CCSER1: variants seen among roughly 807,000 people sequenced by gnomAD.
CCSER1 encodes the protein coiled-coil serine rich protein 1.
In CCSER1, 41 loss-of-function variants were observed where a neutral mutation model predicts 82.0. The observed-to-expected ratio is 0.50, with a 90% CI of 0.39 to 0.65. The LOEUF (loss-of-function observed/expected upper bound fraction) is 0.65, where lower values mean the gene tolerates loss of function less well. CCSER1 is among the 30% of genes least tolerant of loss of function. The probability of loss-of-function intolerance (pLI) is 0.00; values close to 1 mark genes in which losing one functional copy is unlikely to be tolerated. For synonymous variants in CCSER1, 414 were observed against 383.9 expected, an observed-to-expected ratio of 1.08 and a Z score of -0.92; for missense variants, 1,119 against 1,064.2, an observed-to-expected ratio of 1.05 and a Z score of -0.72.
At chr4:91,520,815 A>G (rs1220040408) in intron 10 of CCSER1, among the ~76,000 whole-genome samples, 1 of 152,110 alleles carries the variant, frequency 6.6e-6, no homozygotes, top group Non-Finnish European at 1.5e-5. Context: ...CTGTGTAACA[A>G]TTTTATGAAG....
chr4:91,186,100 G>A (rs540992380), intron 10 of CCSER1, among the ~76,000 whole-genome samples: 25 of 152,240 alleles, frequency 1.6e-4, no homozygotes, highest in Middle Eastern at 3.4e-3. Context: ...GCGATCGCTC[G>A]AGGCGCTGCT....
intron 1 of CCSER1, among the ~76,000 whole-genome samples, chr4:90,187,392 C>A (rs1560765058): frequency 7.1e-6 from 1 of 140,978 alleles, no homozygotes; most frequent in Non-Finnish European, 1.5e-5. Context: ...CCGTTGAAAT[C>A]ATACCTTGTG....
At chr4:90,496,929 G>A (rs1769099617) in intron 5 of CCSER1, among the ~76,000 whole-genome samples, 1 of 125,422 alleles carries the variant, frequency 8.0e-6, no homozygotes, top group South Asian at 2.6e-4. Context: ...AGTGAACCGA[G>A]ATTGTGCCTC....
At chr4:90,471,740 C>T (rs777338378) in intron 5 of CCSER1, among the ~76,000 whole-genome samples, 28 of 151,422 alleles carry the variant, frequency 1.8e-4, no homozygotes, top group African/African-American at 3.9e-4. Context: ...TTTGGGAGGC[C>T]GAGGCGGGCG....
In CCSER1 at chr4:90,941,366, A is replaced by G. The variant is rs570083276; in HGVS notation, c.2172+17919A>G. ...ATTTTTTAATGAAGACCCTAAAGTAATATGTTATTATATGTAGATGTTACT... is the reference window on the plus strand; with the variant it reads ...ATTTTTTAATGAAGACCCTAAAGTAGTATGTTATTATATGTAGATGTTACT... On this transcript the variant is annotated intron_variant, in intron 9 of 10. Transcript: ENST00000509176. 7.5e-4 allele frequency among the ~76,000 whole-genome samples: 114 copies of G among 152,214 alleles called. 3 individuals carry two copies. Among genetic ancestry groups the G allele is most frequent in the Non-Finnish European group, 3.7e-4 (25 of 67,960 alleles).
In CCSER1 at chr4:90,240,020, T is replaced by C. The variant is rs144487583; in HGVS notation, c.-41-68224T>C. The stretch of plus-strand genomic sequence containing the variant: ...AAGTGGTACCCTGAAGCTAAAGGAG[T>C]GTAACCAAAGAATGACAAACTTGGA... On this transcript the variant is annotated intron_variant, in intron 1 of 10. Transcript: ENST00000509176. Among the ~76,000 whole-genome samples the C allele has an allele frequency of 1.5e-3, 232 of 151,918 alleles. 3 individuals carry two copies. In the East Asian group the frequency reaches 0.024, roughly 15 times the overall value.
At chr4:90,657,717 C>T (rs7692153) in intron 6 of CCSER1, among the ~76,000 whole-genome samples, 127,188 of 152,210 alleles carry the variant, frequency 0.84, 53,168 homozygotes, top group East Asian at 0.91. Flanking sequence ...TTTGATTTTA[C>T]ATCACAGTTT....
intron 9 of CCSER1, among the ~76,000 whole-genome samples, chr4:91,058,992 C>CACA (rs1241923322): frequency 6.6e-6 from 1 of 151,902 alleles, no homozygotes; most frequent in East Asian, 1.9e-4. Flanking sequence ...CTCCCCAAAG[C>CACA]ACAAGATACC....
chr4:91,408,402 C>A (rs1752831116), intron 10 of CCSER1, among the ~76,000 whole-genome samples: 1 of 152,154 alleles, frequency 6.6e-6, no homozygotes, highest in Non-Finnish European at 1.5e-5. Flanking sequence ...AAATTGTTAT[C>A]CAGTTCCAAA....
chr4:90,244,197 T>A (rs899709106), intron 1 of CCSER1, among the ~76,000 whole-genome samples: 1 of 152,200 alleles, frequency 6.6e-6, no homozygotes, highest in African/African-American at 2.4e-5. Context: ...ATCTGACTAT[T>A]GTGAGTGGAG....
At chr4:91,350,098 TG>T (rs1748370253) in intron 10 of CCSER1, among the ~76,000 whole-genome samples, 1 of 152,124 alleles carries the variant, frequency 6.6e-6, no homozygotes, top group African/African-American at 2.4e-5. Flanking sequence ...TATTGGAAAC[TG>T]GAAGTCATGA....
chr4:91,526,516 G>T (rs1288933846), intron 10 of CCSER1, among the ~76,000 whole-genome samples: 4 of 152,102 alleles, frequency 2.6e-5, no homozygotes, highest in Non-Finnish European at 4.4e-5. Flanking sequence ...TAAATATTTG[G>T]CTCAGAATAA....
At position 91,153,283 on chromosome 4, in the gene CCSER1, T is replaced by G. The variant is rs563727133; in HGVS notation, c.2217+67289T>G. 3.9e-5 allele frequency among the ~76,000 whole-genome samples: 6 copies of G among 152,094 alleles called. No individual in the cohort carries two copies. In the South Asian group the frequency reaches 1.2e-3, roughly 32 times the overall value. On this transcript the variant is annotated intron_variant, in intron 10 of 10. Coordinates refer to ENST00000509176, the MANE Select transcript of CCSER1 (RefSeq NM_001145065.2). ...TTTGATCTTCAATTACTGATACCCTTTCTTCCACTTGATCGAATCGGCTCT... is the reference window on the plus strand; with the variant it reads ...TTTGATCTTCAATTACTGATACCCTGTCTTCCACTTGATCGAATCGGCTCT...
intron 9 of CCSER1, among the ~76,000 whole-genome samples, chr4:91,021,772 C>A (rs1224249427): frequency 1.3e-5 from 2 of 152,064 alleles, no homozygotes; most frequent in African/African-American, 2.4e-5. Context: ...TCACAACTGG[C>A]AGGAACAGTG....
intron 1 of CCSER1, among the ~76,000 whole-genome samples, chr4:90,153,865 G>C (rs1338282820): frequency 6.6e-6 from 1 of 152,124 alleles, no homozygotes; most frequent in African/African-American, 2.4e-5. Flanking sequence ...TTCTTTTGCT[G>C]TGCAGAAGCT....
At chr4:91,409,944 C>T (rs1402178293) in intron 10 of CCSER1, among the ~76,000 whole-genome samples, 1 of 152,104 alleles carries the variant, frequency 6.6e-6, no homozygotes, top group African/African-American at 2.4e-5. Flanking sequence ...GGCCTCAGGC[C>T]GTTTACCACA....
chr4:91,218,339 C>A (rs1737459288), intron 10 of CCSER1, among the ~76,000 whole-genome samples: 1 of 152,212 alleles, frequency 6.6e-6, no homozygotes, highest in Non-Finnish European at 1.5e-5. Context: ...CCGGTTCCTG[C>A]TCGTGCCTCT....
At chr4:90,979,055 C>T (rs1735865823) in intron 9 of CCSER1, among the ~76,000 whole-genome samples, 1 of 151,576 alleles carries the variant, frequency 6.6e-6, no homozygotes, top group African/African-American at 2.4e-5. Context: ...TAAAACAAAA[C>T]AGCAATTCCT....
Position 90,996,148 on chromosome 4 carries a change from T to C in CCSER1, c.2172+72701T>C, listed in dbSNP as rs574106274. Among the ~76,000 whole-genome samples, 638 of 152,250 alleles carry C rather than the reference T, an allele frequency of 4.2e-3. 8 individuals are homozygous for C. The highest frequency in any genetic ancestry group is 0.015 in the African/African-American group (608 of 41,578). The stretch of plus-strand genomic sequence containing the variant: ...CTGTATATACTGTTTGAATCACTGA[T>C]GAGCACATGCACTAATATAAAATTT... On this transcript the variant is annotated intron_variant, in intron 9 of 10. Transcript: ENST00000509176.
Sources: gnomAD v4.1 joint callset for allele counts (sites outside exome capture counted in the v4.1 genomes callset) on GRCh38, gnomAD v4.1.1 for gene constraint, MANE v1.5 for transcripts, NCBI Gene and HGNC (gene_info 2026-07-23, HGNC 2026-07-21) for gene names.